Variants in CNBD1 observed in about 807,000 individuals in gnomAD.
CNBD1 encodes cyclic nucleotide binding domain containing 1.
A neutral mutation model predicts 54.4 loss-of-function variants in CNBD1; 71 were observed. That is an observed-to-expected ratio of 1.30 (90% CI 1.08 to 1.59). The LOEUF (loss-of-function observed/expected upper bound fraction) is 1.59, where lower values mean the gene tolerates loss of function less well. CNBD1 is among the 40% of genes most tolerant of loss of function. The pLI, the probability that CNBD1 is intolerant of heterozygous loss-of-function variation, is 0.00. For synonymous variants in CNBD1, 182 were observed against 170.7 expected (o/e 1.07, Z -0.51); for missense variants, 659 against 518.0 (o/e 1.27, Z -2.64).
intron 4 of CNBD1, among the ~76,000 whole-genome samples, chr8:86,959,970 C>T (rs1807884695): frequency 6.6e-6 from 1 of 152,158 alleles, no homozygotes; most frequent in Non-Finnish European, 1.5e-5. Context: ...TCTCTGGTTT[C>T]TCCCCATCGT....
At chr8:87,113,152 C>T (rs2130706497) in intron 4 of CNBD1, among the ~76,000 whole-genome samples, 1 of 152,298 alleles carries the variant, frequency 6.6e-6, no homozygotes, top group Admixed American at 6.5e-5. Context: ...CTGGGCATCC[C>T]TGGGCAAGAG....
intron 5 of CNBD1, among the ~76,000 whole-genome samples, chr8:87,233,813 C>T (rs1807515529): frequency 6.6e-6 from 1 of 151,656 alleles, no homozygotes; most frequent in Non-Finnish European, 1.5e-5. Context: ...AAGTTTTCTG[C>T]ATCAATTGAC....
In CNBD1 at chr8:87,285,508, A is replaced by C. The variant is rs556344636; in HGVS notation, c.909+693A>C. ...ATCTCAGCACTTTGGGAGGCCGAGG[A>C]GGGTGTATCACCTGAGGTGGGGAGT... On this transcript the variant is annotated intron_variant, in intron 7 of 10. Transcript: ENST00000518476. Among the ~76,000 whole-genome samples the C allele has an allele frequency of 2.5e-3, 381 of 152,102 alleles. 2 individuals are homozygous for C. Among genetic ancestry groups the C allele is most frequent in the Non-Finnish European group, 2.3e-3 (154 of 67,982 alleles).
At chr8:87,227,128 G>A (rs1467996027) in intron 5 of CNBD1, among the ~76,000 whole-genome samples, 3 of 152,238 alleles carry the variant, frequency 2.0e-5, no homozygotes, top group South Asian at 2.1e-4. Flanking sequence ...TTGAGCCCAT[G>A]TGTGTCTCTG....
intron 5 of CNBD1, among the ~76,000 whole-genome samples, chr8:87,209,095 A>G (rs1185463282): frequency 1.3e-5 from 2 of 152,070 alleles, no homozygotes; most frequent in Non-Finnish European, 2.9e-5. Flanking sequence ...TCTTTAGCTG[A>G]GATTTAGTAT....
chr8:87,276,979 A>ATT (rs10583347), intron 6 of CNBD1, among the ~76,000 whole-genome samples: 8 of 79,766 alleles, frequency 1.0e-4, no homozygotes, highest in Admixed American at 5.9e-4. Context: ...TTGAATAATT[A>ATT]TTTTTTTTTT....
At chr8:87,409,636 T>A (rs1807706650) in intron 2 of CNBD1, among the ~76,000 whole-genome samples, 1 of 152,106 alleles carries the variant, frequency 6.6e-6, no homozygotes, top group African/African-American at 2.4e-5. Context: ...ATAGGCAGAC[T>A]CTCCTGTTAG....
chr8:87,275,938 G>A (rs1808470678), intron 6 of CNBD1, among the ~76,000 whole-genome samples: 1 of 151,824 alleles, frequency 6.6e-6, no homozygotes, highest in Non-Finnish European at 1.5e-5. Context: ...AACAGACAGA[G>A]AGCCAAATCA....
rs1258217748 is a variant in CNBD1 at position 87,356,281 on chromosome 8, G to A, written c.1303+2495G>A. On this transcript the variant is annotated intron_variant, in intron 10 of 10. Transcript: ENST00000518476. ...AAGCAGAGGTTGGAAGAGTTTGAAA[G>A]TCTCATAAGAAGACAGCAGATGAAG... Among the ~76,000 whole-genome samples, 5 of 152,276 alleles carry A rather than the reference G, an allele frequency of 3.3e-5. No homozygotes were observed. In the East Asian group the frequency reaches 9.7e-4, roughly 29 times the overall value.
intron 10 of CNBD1, among the ~76,000 whole-genome samples, chr8:87,371,788 C>A (rs1810809087): frequency 1.3e-5 from 2 of 151,910 alleles, no homozygotes; most frequent in Non-Finnish European, 1.5e-5. Context: ...AATTCAACAA[C>A]CCTTCATGCT....
chr8:87,176,730 C>G (rs1478202746), intron 4 of CNBD1, among the ~76,000 whole-genome samples: 1 of 151,088 alleles, frequency 6.6e-6, no homozygotes, highest in African/African-American at 2.4e-5. Context: ...CACAGGTGAT[C>G]TGCCCGCCTC....
At chr8:87,417,058 A>G (rs1158468101) in intron 2 of CNBD1, among the ~76,000 whole-genome samples, 3 of 151,978 alleles carry the variant, frequency 2.0e-5, no homozygotes. Context: ...AACAAAACCC[A>G]CTGTATTAGT....
intron 6 of CNBD1, among the ~76,000 whole-genome samples, chr8:87,282,117 CATT>C (rs992490739): frequency 6.6e-6 from 1 of 150,956 alleles, no homozygotes; most frequent in Non-Finnish European, 1.5e-5. Flanking sequence ...ATTTTTTTGT[CATT>C]GTACTTTTTT....
chr8:87,386,767 A>G (rs1397654387), downstream of CNBD1, among the ~76,000 whole-genome samples: 1 of 152,198 alleles, frequency 6.6e-6, no homozygotes, highest in Non-Finnish European at 1.5e-5. Flanking sequence ...CGCCACAAAG[A>G]TACTCCTCAA....
intron 10 of CNBD1, among the ~76,000 whole-genome samples, chr8:87,356,995 C>T (rs1354094348): frequency 6.6e-6 from 1 of 152,182 alleles, no homozygotes; most frequent in Admixed American, 6.5e-5. Context: ...GCCCCAGATA[C>T]AGCATGGGCT....
intron 2 of CNBD1, among the ~76,000 whole-genome samples, chr8:87,395,063 T>A (rs1372014123): frequency 1.3e-5 from 2 of 151,920 alleles, no homozygotes; most frequent in African/African-American, 2.4e-5. Context: ...ATGTTTTTTT[T>A]ACTCAAAATA....
chr8:87,052,235 C>G (rs1044393285), intron 4 of CNBD1, among the ~76,000 whole-genome samples: 1 of 152,194 alleles, frequency 6.6e-6, no homozygotes, highest in African/African-American at 2.4e-5. Flanking sequence ...GGAGATTTTT[C>G]TGAGGTGCTA....
intron 8 of CNBD1, among the ~76,000 whole-genome samples, chr8:87,290,260 A>C (rs2130874168): frequency 6.6e-6 from 1 of 152,180 alleles, no homozygotes; most frequent in South Asian, 2.1e-4. Context: ...AAAAGAGATC[A>C]AATATATATT....
At chr8:87,087,358 G>T (rs1811121202) in intron 4 of CNBD1, among the ~76,000 whole-genome samples, 1 of 149,082 alleles carries the variant, frequency 6.7e-6, no homozygotes, top group Non-Finnish European at 1.5e-5. Flanking sequence ...GGGATGAAGA[G>T]AAATCACTGT....
Sources: allele counts gnomAD v4.1 joint callset (sites outside exome capture counted in the v4.1 genomes callset), GRCh38; gene constraint gnomAD v4.1.1; transcripts MANE v1.5; gene names NCBI Gene and HGNC (gene_info 2026-07-23, HGNC 2026-07-21).